The following THNSL1 variants were observed in gnomAD, a reference collection of about 807,000 sequenced individuals.
THNSL1 encodes the protein threonine synthase like 1.
THNSL1 carries 48 observed loss-of-function variants against 50.4 expected under a neutral mutation model. The ratio of observed to expected loss-of-function variants is 0.95; its 90% CI spans 0.76 to 1.21. The LOEUF is 1.21. Among genes scored for constraint, THNSL1 ranks in the 50% most tolerant of loss-of-function variants. The pLI is 0.00. For synonymous variants in THNSL1, 309 were observed against 306.1 expected (o/e 1.01, Z -0.10); for missense variants, 896 against 871.7 (o/e 1.03, Z -0.35).
At chr10:25,005,233 A>G in the THNSL1 span, among the ~76,000 whole-genome samples, 1 of 152,218 alleles carries the variant, frequency 6.6e-6, no homozygotes, top group Admixed American at 6.5e-5. Context: ...TATTAGAATT[A>G]TGAGATATGG....
upstream of THNSL1, among the ~76,000 whole-genome samples, chr10:25,012,681 C>T (rs1850478637): frequency 1.3e-5 from 2 of 152,170 alleles, no homozygotes; most frequent in Non-Finnish European, 1.5e-5. Flanking sequence ...ATGCCTGGAC[C>T]CCCATTGTAT....
At chr10:25,014,491 GAATA>G (rs1443379609), upstream of THNSL1, among the ~76,000 whole-genome samples, 16 of 151,740 alleles carry the variant, frequency 1.1e-4, no homozygotes, top group African/African-American at 3.6e-4. Flanking sequence ...CTTGCCAAAT[GAATA>G]AAGACTGTTC....
chr10:25,018,611 C>A lies in THNSL1; in HGVS notation c.-216+1919C>A, dbSNP rs530663123. 3.0e-4 allele frequency among the ~76,000 whole-genome samples: 46 copies of A among 151,228 alleles called. 1 individual carries two copies. The highest frequency in any genetic ancestry group is 1.0e-3 in the African/African-American group (41 of 41,204). ...ATTGTAGTTTGCACAGATCCTAGAT[C>A]CCCGTATATAATGGTATGCCTGTGA... On this transcript the variant is annotated intron_variant, in intron 1 of 2. Coordinates refer to ENST00000376356, the MANE Select transcript of THNSL1 (RefSeq NM_024838.5).
At chr10:24,977,360 C>T in the THNSL1 span, among the ~76,000 whole-genome samples, 3,667 of 152,278 alleles carry the variant, frequency 0.024, 154 homozygotes, top group African/African-American at 0.083. Context: ...AAGATGTCTT[C>T]TTCCTACTTA....
chr10:24,993,005 A>G, the THNSL1 span, among the ~76,000 whole-genome samples: 1 of 152,218 alleles, frequency 6.6e-6, no homozygotes, highest in African/African-American at 2.4e-5. Flanking sequence ...TGTTTAAGAA[A>G]GAGAATGACT....
At chr10:24,969,300 T>C in the THNSL1 span, among the ~76,000 whole-genome samples, 12 of 152,346 alleles carry the variant, frequency 7.9e-5, no homozygotes, top group Middle Eastern at 0.014. Context: ...CTGTAAGTCA[T>C]GTTTGCTCAG....
chr10:25,005,290 C>T, the THNSL1 span, among the ~76,000 whole-genome samples: 1 of 152,162 alleles, frequency 6.6e-6, no homozygotes, highest in Admixed American at 6.5e-5. Context: ...CTTCAGAAAA[C>T]ATACCAAAAC....
At chr10:24,958,561 A>G in the THNSL1 span, among the ~76,000 whole-genome samples, 38 of 152,384 alleles carry the variant, frequency 2.5e-4, no homozygotes, top group Middle Eastern at 6.8e-3. Flanking sequence ...TTCAATTAGC[A>G]TAGTAACCCG....
the THNSL1 span, among the ~76,000 whole-genome samples, chr10:24,964,619 T>A: frequency 2.6e-5 from 4 of 152,234 alleles, no homozygotes; most frequent in Non-Finnish European, 5.9e-5. Flanking sequence ...CCAAGATTCA[T>A]TGATATTACT....
chr10:24,971,495 A>G, the THNSL1 span, among the ~76,000 whole-genome samples: 1 of 152,212 alleles, frequency 6.6e-6, no homozygotes, highest in African/African-American at 2.4e-5. Flanking sequence ...ATCAAAGAGG[A>G]TTCTTATAGC....
intron 2 of THNSL1, among the ~76,000 whole-genome samples, chr10:25,022,682 A>G (rs575798818): frequency 6.6e-6 from 1 of 152,298 alleles, no homozygotes; most frequent in East Asian, 1.9e-4. Context: ...GTCTGTCACA[A>G]TGTTCATATA....
the THNSL1 span, among the ~76,000 whole-genome samples, chr10:24,964,894 C>T: frequency 1.3e-5 from 2 of 152,064 alleles, no homozygotes; most frequent in Non-Finnish European, 2.9e-5. Context: ...GGAACCCCTT[C>T]TCTACTAAAA....
At chr10:25,017,316 A>G (rs995488786) in intron 1 of THNSL1, among the ~76,000 whole-genome samples, 1 of 152,172 alleles carries the variant, frequency 6.6e-6, no homozygotes, top group Non-Finnish European at 1.5e-5. Context: ...TAGGAAAGTC[A>G]TTTAGACGCT....
the THNSL1 span, among the ~76,000 whole-genome samples, chr10:24,961,771 T>A: frequency 6.6e-6 from 1 of 152,228 alleles, no homozygotes; most frequent in Non-Finnish European, 1.5e-5. Flanking sequence ...AAGTAATACC[T>A]AGACTAATGA....
intron 1 of THNSL1, among the ~76,000 whole-genome samples, chr10:25,018,753 A>G (rs566115932): frequency 6.6e-6 from 1 of 151,962 alleles, no homozygotes; most frequent in East Asian, 1.9e-4. Context: ...TGGAAGGTAA[A>G]TAAACCCTTT....
Position 25,024,709 on chromosome 10 carries a change from A to G in THNSL1, c.1486A>G (p.Ile496Val). ...AYLDLVSQGF[I>V]SFGSPVDVCI... The stretch of plus-strand genomic sequence containing the variant: ...TCTTGATCTTGTTAGTCAAGGATTT[A>G]TTTCTTTTGGAAGCCCAGTCGATGT... Residue 496 changes from isoleucine (I) to valine (V), a missense_variant, in exon 3 of 3, where the codon ATT becomes GTT. By Grantham distance (29) the Ile-to-Val change is conservative. Coordinates refer to ENST00000376356, the MANE Select transcript of THNSL1 (RefSeq NM_024838.5). 1 of 1,614,154 alleles carries G rather than the reference A, an allele frequency of 6.2e-7. No homozygotes were observed. Among genetic ancestry groups the G allele is most frequent in the East Asian group, 2.2e-5 (1 of 44,872 alleles).
At chr10:24,974,185 A>C in the THNSL1 span, among the ~76,000 whole-genome samples, 1 of 152,362 alleles carries the variant, frequency 6.6e-6, no homozygotes, top group South Asian at 2.1e-4. Flanking sequence ...TAAGATCCTC[A>C]GAAAAATATT....
the THNSL1 span, among the ~76,000 whole-genome samples, chr10:24,977,518 A>G: frequency 6.6e-6 from 1 of 152,222 alleles, no homozygotes; most frequent in South Asian, 2.1e-4. Flanking sequence ...TTAATAGGAA[A>G]TATGAAAACA....
Position 25,026,209 on chromosome 10 carries a change from C to T in THNSL1, c.*754C>T, listed in dbSNP as rs1254630264. ...CAGTGTTTTTAACCCTCCTCAAATT[C>T]CATTTTGGACTACAACTAATGTGTA... On this transcript the variant is annotated 3_prime_UTR_variant, in exon 3 of 3. Coordinates refer to ENST00000376356, the MANE Select transcript of THNSL1 (RefSeq NM_024838.5). The T allele has an allele frequency of 6.0e-6, 1 of 166,730 alleles. No homozygotes were observed. The allele number at this position is 166,730 out of a possible 1,614,324, so 10.3% of individuals were successfully genotyped here.
Sources: gnomAD v4.1 joint callset for allele counts (sites outside exome capture counted in the v4.1 genomes callset) on GRCh38, gnomAD v4.1.1 for gene constraint, MANE v1.5 for transcripts, NCBI Gene and HGNC (gene_info 2026-07-23, HGNC 2026-07-21) for gene names.